The following KLC3 variants were observed in gnomAD, a reference collection of about 807,000 sequenced individuals.
KLC3 encodes the protein kinesin light chain 3, also known as kinesin light chain 2.
A neutral mutation model predicts 62.9 loss-of-function variants in KLC3; 72 were observed. That is an observed-to-expected ratio of 1.15 (90% CI 0.95 to 1.39). KLC3 has a LOEUF of 1.39. Ranked by LOEUF, KLC3 falls within the 40% of genes most tolerant of loss-of-function variation. The pLI, the probability that KLC3 is intolerant of heterozygous loss-of-function variation, is 0.00. For missense variants in KLC3, 848 were observed against 691.6 expected (o/e 1.23, Z -2.54); for synonymous variants, 377 against 300.5 (o/e 1.25, Z -2.63).
chr19:45,347,010 C>A (rs1228359266), intron 3 of KLC3: 3 of 506,318 alleles, frequency 5.9e-6, no homozygotes, highest in Non-Finnish European at 7.0e-6. Flanking sequence ...CGCCAGACCC[C>A]CAGGGGGCCT....
At chr19:45,351,094 G>A (rs752696030) in intron 12 of KLC3, 77 bp downstream of exon 12, 156 of 1,611,068 alleles carry the variant, frequency 9.7e-5, no homozygotes, top group Non-Finnish European at 1.3e-4. Flanking sequence ...CAGGGCGGTC[G>A]GGCCAGTGGT....
At chr19:45,346,473 G>C (rs1012457463) in intron 2 of KLC3, 71 bp from the exon 3 acceptor site, 1 of 1,321,710 alleles carries the variant, frequency 7.6e-7, no homozygotes. Flanking sequence ...CTGACTCGAG[G>C]CCTGGGCTGG....
chr19:45,344,180 AC>A (rs2123177002), intron 1 of KLC3, among the ~76,000 whole-genome samples: 1 of 107,270 alleles, frequency 9.3e-6, no homozygotes, highest in Admixed American at 8.9e-5. Context: ...TGTGTGTGTA[AC>A]TGTATTTCTG....
chr19:45,350,601 G>C (rs374863110), intron 10 of KLC3, 40 bp from the exon 11 acceptor site: 1 of 1,613,600 alleles, frequency 6.2e-7, no homozygotes, highest in South Asian at 1.1e-5. Context: ...GGGACTGCAT[G>C]GGCCTGGGGG....
In KLC3 at chr19:45,348,264, G is replaced by A. The variant is rs778129367; in HGVS notation, c.779+104G>A. On this transcript the variant is annotated intron_variant, in intron 5 of 12. Transcript: ENST00000391946. ...CCCTCTGTCACCATGGAGCACCTAG[G>A]GAGGTCAGGGGAGGGGACAGCAAGA... 175 of 1,029,400 alleles carry A rather than the reference G, an allele frequency of 1.7e-4. 1 individual carries two copies. Among genetic ancestry groups the A allele is most frequent in the Non-Finnish European group, 2.2e-4 (155 of 709,522 alleles). The allele number at this position is 1,029,400 out of a possible 1,614,324, so 63.8% of individuals were successfully genotyped here. A position where few individuals can be genotyped will look rare whatever the true frequency, so the allele number is the denominator to read the frequency against.
Position 45,348,814 on chromosome 19 carries a change from C to T in KLC3, c.868-6C>T, listed in dbSNP as rs759168088. The T allele has an allele frequency of 1.9e-6, 3 of 1,563,194 alleles. No homozygotes were observed. Among genetic ancestry groups the T allele is most frequent in the Non-Finnish European group, 2.6e-6 (3 of 1,153,514 alleles). On this transcript the variant is annotated splice_polypyrimidine_tract_variant and splice_region_variant and intron_variant, in intron 6 of 12. Transcript: ENST00000391946. ...TCCCTGACCTGTGCCTCCCCCAACC[C>T]CGCAGGTGGCCGCCACGCTCAACAA...
rs1202070798 is a variant in KLC3, at chr19:45,341,574, T to TGC, written c.-9+729_-9+730insCG. ...CTGTTGGTGTGTGTGTGTGTGTGTG[T>TGC]GTGTGCGCGCGCGCGTGTGGTGGAC... On this transcript the variant is annotated intron_variant, in intron 1 of 12. Coordinates refer to ENST00000391946, the MANE Select transcript of KLC3 (RefSeq NM_177417.3). 1.0e-4 allele frequency among the ~76,000 whole-genome samples: 13 copies of TGC among 124,408 alleles called. 1 individual carries two copies. Among genetic ancestry groups the TGC allele is most frequent in the African/African-American group, 3.3e-4 (12 of 36,362 alleles). The allele number at this position is 124,408 out of a possible 152,430, so 81.6% of individuals were successfully genotyped here. A position where few individuals can be genotyped will look rare whatever the true frequency, so the allele number is the denominator to read the frequency against.
chr19:45,344,665 G>C (rs1230541896), intron 1 of KLC3, among the ~76,000 whole-genome samples: 1 of 152,134 alleles, frequency 6.6e-6, no homozygotes. Context: ...GTGTATATGA[G>C]GACCCCAGAG....
intron 1 of KLC3, 87 bp from the exon 2 acceptor site, chr19:45,345,447 C>A: frequency 6.6e-7 from 1 of 1,524,522 alleles, no homozygotes; most frequent in African/African-American, 1.4e-5. Flanking sequence ...AGTTAGGGGT[C>A]CTGATGGCCA....
At position 45,350,376 on chromosome 19, in the gene KLC3, A is replaced by C; in HGVS notation, c.1179A>C (p.Gln393His). 1 of 1,613,680 alleles carries C rather than the reference A, an allele frequency of 6.2e-7. No individual in the cohort carries two copies. The highest frequency in any genetic ancestry group is 1.6e-4 in the Middle Eastern group (1 of 6,062). Residue 393 changes from glutamine (Q) to histidine (H), a missense_variant, in exon 9 of 13, where the codon CAA (glutamine) becomes CAC (histidine). By Grantham distance (24) the Gln-to-His change is conservative (BLOSUM62 0). Transcript: ENST00000391946. ...ACCTGAAACAGAACAAGTATCAACA[A>C]GCGGAAGAGCTGTACAAAGAAATCC... is the stretch of plus-strand genomic sequence containing the variant. ...SAYLKQNKYQ[Q>H]AEELYKEILH...
intron 3 of KLC3, chr19:45,347,210 C>T: frequency 3.9e-6 from 2 of 509,518 alleles, no homozygotes; most frequent in South Asian, 2.5e-5. Context: ...GGTGTGGTGG[C>T]ACATGCCTGT....
chr19:45,342,766 CA>C, intron 1 of KLC3, among the ~76,000 whole-genome samples: 1 of 151,812 alleles, frequency 6.6e-6, no homozygotes, highest in Non-Finnish European at 1.5e-5. Context: ...GACTCAGTCT[CA>C]AAAAAATAAA....
Position 45,349,939 on chromosome 19 carries a change from C to T in KLC3, c.1143+337C>T, listed in dbSNP as rs372399666. 3.5e-4 allele frequency: 146 copies of T among 414,832 alleles called. 1 individual carries two copies. The highest frequency in any genetic ancestry group is 5.4e-4 in the Admixed American group (13 of 24,090). 25.7% of individuals were successfully genotyped at this position (414,832 alleles called of 1,614,324 possible). Reference sequence around the variant, plus strand: ...AGCGTCCCTATGAGGTGGGAGCTGTCGCTCCACTTTGCGTGTGGGAAGACT... The same window carrying T: ...AGCGTCCCTATGAGGTGGGAGCTGTTGCTCCACTTTGCGTGTGGGAAGACT... On this transcript the variant is annotated intron_variant, in intron 8 of 12. Transcript: ENST00000391946.
chr19:45,344,578 G>C (rs1179770411), intron 1 of KLC3, among the ~76,000 whole-genome samples: 1 of 152,094 alleles, frequency 6.6e-6, no homozygotes, highest in African/African-American at 2.4e-5. Context: ...TTTCGGAGAG[G>C]AAAATGTGTA....
Position 45,345,591 on chromosome 19 carries a change from G to T in KLC3, c.50G>T (p.Arg17Leu), listed in dbSNP as rs541951781. The T allele has an allele frequency of 3.8e-6, 6 of 1,571,736 alleles. No homozygotes were observed. The highest frequency in any genetic ancestry group is 2.3e-5 in the East Asian group (1 of 42,790). Residue 17 changes from arginine (R) to leucine (L), a missense_variant, in exon 2 of 13, where the codon CGC becomes CTC. By Grantham distance (102) the Arg-to-Leu change is moderately radical. Coordinates refer to ENST00000391946, the MANE Select transcript of KLC3 (RefSeq NM_177417.3). ...APGSAGLGPE[R>L]LSPEELVRQT... ...GGAAGTGCAGGGCTGGGCCCAGAGC[G>T]CCTGAGCCCTGAGGAGCTGGTGCGG...
chr19:45,341,578 T>TGTGTGTTCGCGCGCGCGC, intron 1 of KLC3, among the ~76,000 whole-genome samples: 1 of 139,800 alleles, frequency 7.2e-6, no homozygotes. Flanking sequence ...TGTGTGTGTG[T>TGTGTGTTCGCGCGCGCGC]GCGCGCGCGC....
Position 45,345,578 on chromosome 19 carries a change from C to CCCCA in KLC3, c.37_38insCCCA (p.Leu13ProfsTer10), listed in dbSNP as rs1971470226. 7 of 1,567,930 alleles carry CCCCA rather than the reference C, an allele frequency of 4.5e-6. No homozygotes were observed. Among genetic ancestry groups the CCCCA allele is most frequent in the Non-Finnish European group, 6.0e-6 (7 of 1,157,342 alleles). On this transcript the variant is annotated frameshift_variant, in exon 2 of 13. Coordinates refer to ENST00000391946, the MANE Select transcript of KLC3 (RefSeq NM_177417.3). LOFTEE classifies it high-confidence loss of function. ...GGTAGCGGCTCCTGGAAGTGCAGGGCTGGGCCCAGAGCGCCTGAGCCCTGA... is the reference window on the plus strand; with the variant it reads ...GGTAGCGGCTCCTGGAAGTGCAGGGCCCCATGGGCCCAGAGCGCCTGAGCCCTGA...
rs1475801122 is a variant in KLC3 at position 45,351,389 on chromosome 19, T to TG, written c.*35dup. On this transcript the variant is annotated 3_prime_UTR_variant, in exon 13 of 13. Transcript: ENST00000391946. ...GTGAACTGCGCTGGCCGCAGCTTCT[T>TG]GGGAACAGTGCAGGAGGGATGGGCT... is the stretch of plus-strand genomic sequence containing the variant. 43 of 1,606,490 alleles carry TG rather than the reference T, an allele frequency of 2.7e-5. No homozygotes were observed. The highest frequency in any genetic ancestry group is 3.4e-5 in the Non-Finnish European group (40 of 1,179,852).
In KLC3 at chr19:45,348,730, C is replaced by T. The variant is rs61747990; in HGVS notation, c.864C>T (p.Pro288=). The change falls in exon 6 of 13, where the codon CCC becomes CCT. Residue 288 remains proline, a synonymous_variant. Transcript: ENST00000391946. The part of the protein sequence containing the change: ...IREQTLGPEH[P]AVAATLNNLA... Reference sequence around the variant, plus strand: ...AGCAGACGCTGGGCCCTGAGCACCCCGCGGTGAGTGGGGCCCCAGGGAGAC... The same window carrying T: ...AGCAGACGCTGGGCCCTGAGCACCCTGCGGTGAGTGGGGCCCCAGGGAGAC... The T allele has an allele frequency of 8.1e-4, 1,281 of 1,585,548 alleles. 2 individuals carry two copies. Among genetic ancestry groups the T allele is most frequent in the African/African-American group, 7.2e-3 (533 of 74,336 alleles).
Sources: gnomAD v4.1 joint callset for allele counts (sites outside exome capture counted in the v4.1 genomes callset) on GRCh38, gnomAD v4.1.1 for gene constraint, MANE v1.5 for transcripts, NCBI Gene and HGNC (gene_info 2026-07-23, HGNC 2026-07-21) for gene names.